DYNC1I1: variants seen among roughly 807,000 people sequenced by gnomAD.
The protein encoded by DYNC1I1 is cytoplasmic dynein 1 intermediate chain 1.
A neutral mutation model predicts 86.6 loss-of-function variants in DYNC1I1; 43 were observed. The observed-to-expected ratio is 0.50, with a 90% CI of 0.39 to 0.64. The LOEUF is 0.64. Ranked by LOEUF, DYNC1I1 falls within the 30% of genes least tolerant of loss-of-function variation. The pLI is 0.00. For synonymous variants in DYNC1I1, 262 were observed against 283.7 expected, an observed-to-expected ratio of 0.92 and a Z score of 0.77; for missense variants, 604 against 788.8, an observed-to-expected ratio of 0.77 and a Z score of 2.81.
chr7:95,944,634 A>G (rs1316160802), intron 6 of DYNC1I1, among the ~76,000 whole-genome samples: 2 of 152,196 alleles, frequency 1.3e-5, no homozygotes, highest in Non-Finnish European at 2.9e-5. Context: ...CAAATGTCCA[A>G]CAATGATAGA....
chr7:95,966,920 G>C (rs1047156918), intron 6 of DYNC1I1, among the ~76,000 whole-genome samples: 2 of 152,206 alleles, frequency 1.3e-5, no homozygotes, highest in Admixed American at 1.3e-4. Flanking sequence ...TGTCAGTGGT[G>C]GTGGGGCTTA....
chr7:95,939,458 T>G (rs1239045256), intron 6 of DYNC1I1, among the ~76,000 whole-genome samples: 1 of 152,120 alleles, frequency 6.6e-6, no homozygotes, highest in Non-Finnish European at 1.5e-5. Context: ...CACTCAGGAC[T>G]TGCTTTATCA....
chr7:95,823,952 CTATATATATATATATATA>C (rs71127429), intron 4 of DYNC1I1, among the ~76,000 whole-genome samples: 2 of 77,902 alleles, frequency 2.6e-5, no homozygotes, highest in African/African-American at 1.3e-4. Context: ...TTCTACTAAA[CTATATATATATATATATA>C]TATATATATG....
At position 96,039,408 on chromosome 7, in the gene DYNC1I1, T is replaced by G; in HGVS notation, c.1496T>G (p.Leu499Arg). ...TCATCATTTGACTGGACTGTCAAAC[T>G]GTGGACCACCAAGGTAAGAATATCT... ...VTSSFDWTVK[L>R]WTTKHNKPLY... Residue 499 changes from leucine to arginine, a missense_variant, in exon 14 of 17, where the codon CTG (leucine) becomes CGG (arginine). Coordinates refer to ENST00000447467, the MANE Select transcript of DYNC1I1 (RefSeq NM_001135556.2). The G allele has an allele frequency of 6.2e-7, 1 of 1,614,054 alleles. No individual in the cohort carries two copies. The highest frequency in any genetic ancestry group is 8.5e-7 in the Non-Finnish European group (1 of 1,179,950).
intron 6 of DYNC1I1, among the ~76,000 whole-genome samples, chr7:95,940,295 G>A (rs1393440622): frequency 2.6e-5 from 4 of 151,724 alleles, no homozygotes; most frequent in African/African-American, 9.7e-5. Flanking sequence ...CTCTTCTCGA[G>A]GAGTATCTTT....
intron 6 of DYNC1I1, among the ~76,000 whole-genome samples, chr7:95,879,853 A>C (rs763785816): frequency 6.6e-6 from 1 of 152,174 alleles, no homozygotes; most frequent in Admixed American, 6.5e-5. Flanking sequence ...AATTGTAGGA[A>C]GGTAATTGTC....
intron 1 of DYNC1I1, among the ~76,000 whole-genome samples, chr7:95,778,822 G>A (rs1793911710): frequency 1.3e-5 from 2 of 151,918 alleles, no homozygotes; most frequent in Admixed American, 6.6e-5. Context: ...CACCACACCA[G>A]CTGGTTAAAA....
At chr7:95,790,151 A>T (rs1794256317) in intron 1 of DYNC1I1, among the ~76,000 whole-genome samples, 1 of 152,138 alleles carries the variant, frequency 6.6e-6, no homozygotes. Context: ...TGGCATAGCC[A>T]ACTTTTGGCT....
chr7:96,074,068 T>G (rs1174800608), intron 14 of DYNC1I1, among the ~76,000 whole-genome samples: 1 of 152,284 alleles, frequency 6.6e-6, no homozygotes, highest in Non-Finnish European at 1.5e-5. Context: ...CATAAAAGAA[T>G]TATAGAATCA....
chr7:95,781,425 A>T (rs1242998483), intron 1 of DYNC1I1, among the ~76,000 whole-genome samples: 1 of 152,222 alleles, frequency 6.6e-6, no homozygotes, highest in African/African-American at 2.4e-5. Flanking sequence ...AGTTCAAAAA[A>T]TTCTAAGACA....
intron 5 of DYNC1I1, among the ~76,000 whole-genome samples, chr7:95,843,157 T>A (rs1040522738): frequency 2.0e-5 from 3 of 152,214 alleles, no homozygotes; most frequent in African/African-American, 7.2e-5. Context: ...CTTGTGTAAA[T>A]GCCCAGAACT....
At chr7:95,934,644 A>G (rs1241140838) in intron 6 of DYNC1I1, among the ~76,000 whole-genome samples, 1 of 152,244 alleles carries the variant, frequency 6.6e-6, no homozygotes, top group East Asian at 1.9e-4. Flanking sequence ...CAGAACTGGA[A>G]GAGACTTTAA....
intron 7 of DYNC1I1, among the ~76,000 whole-genome samples, chr7:95,982,429 A>G (rs542776812): frequency 6.6e-6 from 1 of 152,258 alleles, no homozygotes; most frequent in East Asian, 1.9e-4. Flanking sequence ...TCAGCCATTT[A>G]TGTTTCTGTT....
intron 6 of DYNC1I1, among the ~76,000 whole-genome samples, chr7:95,891,329 A>ATAGC (rs1473021213): frequency 2.0e-5 from 3 of 152,244 alleles, no homozygotes; most frequent in African/African-American, 7.2e-5. Context: ...GGGCTTCAAA[A>ATAGC]TAAAATAGCT....
intron 1 of DYNC1I1, among the ~76,000 whole-genome samples, chr7:95,776,710 G>A (rs1793849075): frequency 6.6e-6 from 1 of 152,186 alleles, no homozygotes; most frequent in South Asian, 2.1e-4. Flanking sequence ...ATTTCACCAG[G>A]AGTCCAGGTG....
intron 10 of DYNC1I1, among the ~76,000 whole-genome samples, chr7:96,021,415 G>C (rs1440013929): frequency 2.0e-5 from 3 of 152,132 alleles, no homozygotes; most frequent in Non-Finnish European, 4.4e-5. Flanking sequence ...TTTGAGGAAA[G>C]AGTGATCCAC....
chr7:95,955,827 G>A (rs528086060), intron 6 of DYNC1I1, among the ~76,000 whole-genome samples: 1 of 152,234 alleles, frequency 6.6e-6, no homozygotes, highest in South Asian at 2.1e-4. Context: ...CACTCTTAAT[G>A]CATGTTAAGG....
At chr7:95,861,149 T>G (rs113245439) in intron 5 of DYNC1I1, among the ~76,000 whole-genome samples, 1 of 152,268 alleles carries the variant, frequency 6.6e-6, no homozygotes, top group Non-Finnish European at 1.5e-5. Context: ...CTCCTGCCTC[T>G]GCCACCTTAT....
In DYNC1I1 at chr7:96,098,342, T is replaced by A. The variant is rs1443933986; in HGVS notation, c.*749T>A. ...TCAAATATCATTGACCACTAATACT[T>A]CTCACTGAAGCTAACACAGTCTGAC... On this transcript the variant is annotated 3_prime_UTR_variant, in exon 17 of 17. Coordinates refer to ENST00000447467, the MANE Select transcript of DYNC1I1 (RefSeq NM_001135556.2). The A allele has an allele frequency of 1.0e-6, 1 of 985,638 alleles. No individual in the cohort carries two copies. Among genetic ancestry groups the A allele is most frequent in the Non-Finnish European group, 1.2e-6 (1 of 829,948 alleles). The allele number at this position is 985,638 out of a possible 1,614,324, so 61.1% of individuals were successfully genotyped here.
Sources: allele counts gnomAD v4.1 joint callset (sites outside exome capture counted in the v4.1 genomes callset), GRCh38; gene constraint gnomAD v4.1.1; transcripts MANE v1.5; gene names NCBI Gene and HGNC (gene_info 2026-07-23, HGNC 2026-07-21).